Variants in GOLGA3 observed in about 807,000 individuals in gnomAD.
GOLGA3 encodes the protein golgin A3.
Under a neutral mutation model 169.4 loss-of-function variants are expected in GOLGA3, and 75 were observed. That is an observed-to-expected ratio of 0.44 (90% CI 0.37 to 0.54). The LOEUF is 0.54. GOLGA3 is among the 20% of genes least tolerant of loss of function. The pLI is 0.00. For synonymous variants in GOLGA3, 824 were observed against 822.4 expected (o/e 1.00, Z -0.03); for missense variants, 1,899 against 1,930.0 (o/e 0.98, Z 0.30).
In GOLGA3 at chr12:132,777,869, GGC is replaced by G; in HGVS notation, c.3583-66_3583-65del. On this transcript the variant is annotated intron_variant, in intron 18 of 23. Coordinates refer to ENST00000450791, the MANE Select transcript of GOLGA3 (RefSeq NM_001389683.1). This position sits in a 1 kb window ranked among gnomAD's most constrained non-coding sequence, Gnocchi z 4.7. ...ACACCCACAGCTTTATGACGTGCCG[GGC>G]GCAGGGGGTGAATGCACTCCCGGCC... 6.4e-7 allele frequency: 1 copy of G among 1,568,624 alleles called. No individual in the cohort carries two copies. Among genetic ancestry groups the G allele is most frequent in the Non-Finnish European group, 8.7e-7 (1 of 1,152,388 alleles).
In GOLGA3 at chr12:132,804,826, G is replaced by C; in HGVS notation, c.1487C>G (p.Ala496Gly). ...GTCGTTGTTGGACGACGCCAGGCTG[G>C]CATTTTTTGCCTCCAGCATGTTCTG... ...DLQNMLEAKN[A>G]SLASSNNDLQ... Residue 496 changes from alanine (A) to glycine (G), a missense_variant, in exon 7 of 24, where the codon GCC (alanine) becomes GGC (glycine). Coordinates refer to ENST00000450791, the MANE Select transcript of GOLGA3 (RefSeq NM_001389683.1). This position sits in a 1 kb window ranked among gnomAD's most constrained non-coding sequence, Gnocchi z 4.1. 2 of 1,614,190 alleles carry C rather than the reference G, an allele frequency of 1.2e-6. No individual in the cohort carries two copies. Among genetic ancestry groups the C allele is most frequent in the Non-Finnish European group, 1.7e-6 (2 of 1,180,018 alleles).
At chr12:132,809,677 G>T (rs1175595451) in intron 4 of GOLGA3, among the ~76,000 whole-genome samples, 2 of 152,116 alleles carry the variant, frequency 1.3e-5, no homozygotes, top group African/African-American at 4.8e-5. Flanking sequence ...GTATGGCCTG[G>T]TTTTTCCTAG....
At chr12:132,815,039 T>C (rs1381270723) in intron 3 of GOLGA3, among the ~76,000 whole-genome samples, 1 of 152,212 alleles carries the variant, frequency 6.6e-6, no homozygotes, top group Non-Finnish European at 1.5e-5. Flanking sequence ...TCCTTACAGG[T>C]AGATGCTGAG....
intron 7 of GOLGA3, among the ~76,000 whole-genome samples, chr12:132,802,339 T>C (rs983914161): frequency 6.0e-5 from 9 of 150,810 alleles, no homozygotes; most frequent in African/African-American, 2.0e-4. Context: ...TGAGCAAAGA[T>C]TCTCTAGGAA....
chr12:132,807,614 C>T lies in GOLGA3; in HGVS notation c.1178+277G>A, dbSNP rs148391958. Among the ~76,000 whole-genome samples, 541 of 152,292 alleles carry T rather than the reference C, an allele frequency of 3.6e-3. 1 individual carries two copies. The highest frequency in any genetic ancestry group is 0.012 in the African/African-American group (494 of 41,552). ...TCTAATTCTACTGATTAAAAAGCAG[C>T]AGACTTGTTATGAATTAAATGTTCA... On this transcript the variant is annotated intron_variant, in intron 5 of 23. Coordinates refer to ENST00000450791, the MANE Select transcript of GOLGA3 (RefSeq NM_001389683.1).
intron 23 of GOLGA3, 136 bp from the exon 24 acceptor site, chr12:132,773,430 CAGAAGCTCAG>C: frequency 3.8e-6 from 2 of 520,742 alleles, no homozygotes. Context: ...ACTGAGACCA[CAGAAGCTCAG>C]CTGTTCTCAG....
Position 132,796,007 on chromosome 12 carries a change from G to A in GOLGA3, c.2314C>T (p.Gln772Ter). The A allele has an allele frequency of 6.2e-7, 1 of 1,613,252 alleles. No individual in the cohort carries two copies. Among genetic ancestry groups the A allele is most frequent in the African/African-American group, 1.3e-5 (1 of 75,032 alleles). ...ASREDTICLLQNEKIILEAAL... is the reference protein window; with the variant it reads ...ASREDTICLL ...GCCTCCAAGATGATCTTCTCGTTCT[G>A]CAGGAGGCAGATCGTGTCCTCCCTG... The change falls in exon 11 of 24, where the codon CAG (glutamine) becomes TAG (stop). Residue 772 changes from glutamine (Q) to a stop codon, truncating the protein, a stop_gained. Transcript: ENST00000450791. LOFTEE classifies it high-confidence loss of function.
At chr12:132,825,723 G>A (rs1251784559) in intron 1 of GOLGA3, 50 of 1,533,118 alleles carry the variant, frequency 3.3e-5, no homozygotes, top group East Asian at 1.8e-4. Flanking sequence ...CAGACTGAGC[G>A]TGCCTACCAA....
At chr12:132,820,108 G>A (rs543623123) in intron 2 of GOLGA3, among the ~76,000 whole-genome samples, 1 of 152,178 alleles carries the variant, frequency 6.6e-6, no homozygotes, top group African/African-American at 2.4e-5. Flanking sequence ...CCCGGGAGGC[G>A]GAGGTTGCCA....
chr12:132,789,203 C>G lies in GOLGA3; in HGVS notation c.2635G>C (p.Glu879Gln). The stretch of plus-strand genomic sequence containing the variant: ...AGCTCCTGCCGCAGCTCCTTCAGCT[C>G]CGAGTCCAGCCTCTTCCTGGTGGCT... ...LKATRKRLDS[E>Q]LKELRQELMQ... The change falls in exon 13 of 24, where the codon GAG (glutamate) becomes CAG (glutamine). Residue 879 changes from glutamate (E) to glutamine (Q), a missense_variant. By Grantham distance (29) the Glu-to-Gln change is conservative (BLOSUM62 2). Coordinates refer to ENST00000450791, the MANE Select transcript of GOLGA3 (RefSeq NM_001389683.1). 1 of 1,610,986 alleles carries G rather than the reference C, an allele frequency of 6.2e-7. No homozygotes were observed. Among genetic ancestry groups the G allele is most frequent in the Non-Finnish European group, 8.5e-7 (1 of 1,180,022 alleles).
intron 11 of GOLGA3, among the ~76,000 whole-genome samples, chr12:132,792,743 CGG>C (rs1948610576): frequency 1.5e-5 from 2 of 135,316 alleles, no homozygotes; most frequent in South Asian, 2.5e-4. Context: ...GACCTGCACT[CGG>C]AGGGCTCCAC....
intron 23 of GOLGA3, among the ~76,000 whole-genome samples, chr12:132,773,630 G>A (rs983497713): frequency 1.3e-4 from 20 of 152,140 alleles, no homozygotes; most frequent in Admixed American, 2.0e-4. Flanking sequence ...GGTGCACCAT[G>A]TGTGGCCTTC....
intron 3 of GOLGA3, among the ~76,000 whole-genome samples, 191 bp from the exon 4 acceptor site, chr12:132,813,610 G>A (rs1949819168): frequency 6.6e-6 from 1 of 152,130 alleles, no homozygotes; most frequent in Non-Finnish European, 1.5e-5. Context: ...GACCACAGGC[G>A]GGATCTACCT....
At chr12:132,776,803 T>C (rs1431808757) in intron 20 of GOLGA3, 47 bp from the exon 21 acceptor site, 9 of 1,605,114 alleles carry the variant, frequency 5.6e-6, no homozygotes, top group East Asian at 2.2e-5. Flanking sequence ...AAAGTGGCTT[T>C]ACTGCCCTGG....
In GOLGA3 at chr12:132,791,303, A is replaced by G; in HGVS notation, c.2470-10T>C. 6.5e-7 allele frequency: 1 copy of G among 1,549,518 alleles called. No homozygotes were observed. Among genetic ancestry groups the G allele is most frequent in the Non-Finnish European group, 8.9e-7 (1 of 1,124,630 alleles). On this transcript the variant is annotated splice_polypyrimidine_tract_variant and intron_variant, in intron 11 of 23. Coordinates refer to ENST00000450791, the MANE Select transcript of GOLGA3 (RefSeq NM_001389683.1). ...GCTGCAGGTGTTCCACCTGTGGGAG[A>G]CATGTGCACAGACATTACACTGACG...
chr12:132,825,946 G>A (rs1226392135), intron 1 of GOLGA3: 26 of 949,020 alleles, frequency 2.7e-5, no homozygotes, highest in East Asian at 1.9e-4. Flanking sequence ...AGATGAAGAC[G>A]CAGAGGACCA....
rs1406972830 is a variant in GOLGA3, at chr12:132,809,879, A to C, written c.520-1330T>G. Reference sequence around the variant, plus strand: ...TGCCTCGGTGCCTGAGTGGCTTGCCACCCACAGACTTCCTCAACAGAACTT... The same window carrying C: ...TGCCTCGGTGCCTGAGTGGCTTGCCCCCCACAGACTTCCTCAACAGAACTT... On this transcript the variant is annotated intron_variant, in intron 4 of 23. Coordinates refer to ENST00000450791, the MANE Select transcript of GOLGA3 (RefSeq NM_001389683.1). Among the ~76,000 whole-genome samples, 3 of 151,632 alleles carry C rather than the reference A, an allele frequency of 2.0e-5. No individual in the cohort carries two copies. The East Asian group carries it at 5.8e-4, about 29-fold the overall frequency.
Position 132,789,212 on chromosome 12 carries a change from G to C in GOLGA3, c.2626C>G (p.Leu876Val), listed in dbSNP as rs1330841187. The change falls in exon 13 of 24, where the codon CTG (leucine) becomes GTG (valine). Residue 876 changes from leucine (L) to valine (V), a missense_variant. Transcript: ENST00000450791. ...ISELKATRKR[L>V]DSELKELRQE... ...CGCAGCTCCTTCAGCTCCGAGTCCA[G>C]CCTCTTCCTGGTGGCTTTCAGCTCA... 1 of 1,610,306 alleles carries C rather than the reference G, an allele frequency of 6.2e-7. No homozygotes were observed. The highest frequency in any genetic ancestry group is 8.5e-7 in the Non-Finnish European group (1 of 1,180,004).
intron 12 of GOLGA3, among the ~76,000 whole-genome samples, chr12:132,790,731 T>G (rs1453410105): frequency 2.6e-5 from 4 of 151,858 alleles, no homozygotes; most frequent in Non-Finnish European, 5.9e-5. Flanking sequence ...TGTCTTGACT[T>G]TGCAGATTAA....
Sources: gnomAD v4.1 joint callset for allele counts (sites outside exome capture counted in the v4.1 genomes callset) on GRCh38, gnomAD v4.1.1 for gene constraint, Gnocchi (gnomAD v3.1) non-coding constraint, MANE v1.5 for transcripts, NCBI Gene and HGNC (gene_info 2026-07-23, HGNC 2026-07-21) for gene names.